Variants in NOX3 observed in about 807,000 individuals in gnomAD.
NOX3 encodes the protein NADPH oxidase 3, also known as NADPH oxidase catalytic subunit-like 3.
NOX3 carries 74 observed loss-of-function variants against 76.7 expected under a neutral mutation model. That is an observed-to-expected ratio of 0.96 (90% CI 0.80 to 1.17). The LOEUF is 1.17. Among genes scored for constraint, NOX3 ranks in the 50% most tolerant of loss-of-function variants. NOX3 has a pLI of 0.00. For missense variants in NOX3, 695 were observed against 703.3 expected, an observed-to-expected ratio of 0.99 and a Z score of 0.13; for synonymous variants, 263 against 261.1, an observed-to-expected ratio of 1.01 and a Z score of -0.07.
At chr6:155,421,059 T>C (rs1186410638) in intron 10 of NOX3, among the ~76,000 whole-genome samples, 6 of 152,208 alleles carry the variant, frequency 3.9e-5, no homozygotes, top group Non-Finnish European at 7.3e-5. Context: ...GCATGTTCTT[T>C]GATGACAGCA....
chr6:155,428,586 CTT>C (rs35328292), intron 9 of NOX3, among the ~76,000 whole-genome samples: 153 of 138,334 alleles, frequency 1.1e-3, no homozygotes, highest in Non-Finnish European at 1.2e-3. Context: ...GTCTTTTTTT[CTT>C]TTTTTTTTTT....
In NOX3 at chr6:155,430,526, T is replaced by A. The variant is rs930569061; in HGVS notation, c.891+317A>T. 7.9e-5 allele frequency among the ~76,000 whole-genome samples: 12 copies of A among 152,100 alleles called. No individual in the cohort carries two copies. In the East Asian group the frequency reaches 2.3e-3, roughly 29 times the overall value. The stretch of plus-strand genomic sequence containing the variant: ...GAAGTGATTATCCTTCAAGTCACTA[T>A]GACCCATGTAAAGTACACTCACTCC... On this transcript the variant is annotated intron_variant, in intron 8 of 13. Transcript: ENST00000159060.
chr6:155,398,030 T>G (rs979835228), intron 12 of NOX3, among the ~76,000 whole-genome samples: 2 of 152,184 alleles, frequency 1.3e-5, no homozygotes, highest in African/African-American at 4.8e-5. Flanking sequence ...TTTCTGGAAG[T>G]TGGGGTGCAT....
intron 10 of NOX3, among the ~76,000 whole-genome samples, chr6:155,412,149 A>G (rs371749152): frequency 6.6e-6 from 1 of 152,066 alleles, no homozygotes; most frequent in East Asian, 1.9e-4. Context: ...CTTGCTGCCC[A>G]CACCTCTCTC....
chr6:155,434,890 T>C (rs763310178), intron 7 of NOX3, among the ~76,000 whole-genome samples: 9 of 152,282 alleles, frequency 5.9e-5, no homozygotes, highest in African/African-American at 9.6e-5. Context: ...GGAGAAATGA[T>C]ACATATTCTA....
At chr6:155,396,662 G>A (rs1779141670) in intron 13 of NOX3, 147 bp downstream of exon 13, 1 of 501,804 alleles carries the variant, frequency 2.0e-6, no homozygotes. Flanking sequence ...TGACGTTATT[G>A]TTTGTGGCAA....
intron 4 of NOX3, among the ~76,000 whole-genome samples, chr6:155,449,517 G>A (rs1777107760): frequency 6.6e-6 from 1 of 152,128 alleles, no homozygotes; most frequent in Non-Finnish European, 1.5e-5. Context: ...GTTGAAGAAT[G>A]CTCCGGCAGC....
intron 4 of NOX3, among the ~76,000 whole-genome samples, chr6:155,452,210 T>C (rs887756332): frequency 3.3e-5 from 5 of 152,198 alleles, no homozygotes; most frequent in African/African-American, 1.2e-4. Context: ...AGCTTCATTC[T>C]AATTTTAGAT....
chr6:155,401,930 T>G (rs1056374767), intron 12 of NOX3, among the ~76,000 whole-genome samples: 1 of 152,108 alleles, frequency 6.6e-6, no homozygotes, highest in Non-Finnish European at 1.5e-5. Flanking sequence ...AAGGGTAAGA[T>G]CAAAGATTTA....
chr6:155,425,726 TTACA>T (rs1776747107), intron 9 of NOX3, among the ~76,000 whole-genome samples: 1 of 152,208 alleles, frequency 6.6e-6, no homozygotes, highest in Non-Finnish European at 1.5e-5. Context: ...AGGCAGTGTG[TTACA>T]TACATTCTCC....
At chr6:155,425,173 CTGAG>C (rs1281798901) in intron 9 of NOX3, among the ~76,000 whole-genome samples, 2 of 152,202 alleles carry the variant, frequency 1.3e-5, no homozygotes, top group Non-Finnish European at 2.9e-5. Context: ...TTTTGCCTTT[CTGAG>C]AAGCACATTC....
intron 4 of NOX3, among the ~76,000 whole-genome samples, chr6:155,449,256 T>TGG (rs1777104764): frequency 6.6e-6 from 1 of 152,180 alleles, no homozygotes; most frequent in Non-Finnish European, 1.5e-5. Context: ...TGCACTCGGC[T>TGG]AATTGTTCAC....
intron 10 of NOX3, among the ~76,000 whole-genome samples, chr6:155,422,360 C>T (rs902361645): frequency 5.9e-5 from 9 of 152,276 alleles, no homozygotes; most frequent in Non-Finnish European, 1.0e-4. Flanking sequence ...GCTAAAGAGA[C>T]TAAGGAGAGG....
intron 4 of NOX3, among the ~76,000 whole-genome samples, chr6:155,444,432 T>C (rs1562471568): frequency 6.6e-6 from 1 of 152,324 alleles, no homozygotes; most frequent in East Asian, 1.9e-4. Flanking sequence ...CTTATTTTAC[T>C]TAAAAATGGC....
Position 155,413,735 on chromosome 6 carries a change from C to T in NOX3, c.1309-2375G>A, listed in dbSNP as rs143921582. 7.5e-3 allele frequency among the ~76,000 whole-genome samples: 1,139 copies of T among 152,282 alleles called. 20 individuals are homozygous for T. The highest frequency in any genetic ancestry group is 0.026 in the African/African-American group (1,063 of 41,548). On this transcript the variant is annotated intron_variant, in intron 10 of 13. Transcript: ENST00000159060. ...TCACCTATGCATGACCCCCTCCTCCCTGGCCTTGGTAGCCTGTTTCATCTC... is the reference window on the plus strand; with the variant it reads ...TCACCTATGCATGACCCCCTCCTCCTTGGCCTTGGTAGCCTGTTTCATCTC...
At chr6:155,429,199 A>G in intron 8 of NOX3, 152 bp from the exon 9 acceptor site, 1 of 702,866 alleles carries the variant, frequency 1.4e-6, no homozygotes, top group Non-Finnish European at 2.2e-6. Context: ...GATATGTGCC[A>G]TCGCTTTCAC....
Position 155,440,057 on chromosome 6 carries a change from G to A in NOX3, c.567C>T (p.Thr189=), listed in dbSNP as rs751894577. The change falls in exon 6 of 14, where the codon ACC becomes ACT. Residue 189 remains threonine (T), a synonymous_variant. Coordinates refer to ENST00000159060, the MANE Select transcript of NOX3 (RefSeq NM_015718.3). ...VISLALVLIM[T]SSTEFIRQAS... Reference sequence around the variant, plus strand: ...CCTGTCTGATGAACTCAGTTGACGAGGTCATGATCAAGACTAAAGCCAGAG... The same window carrying A: ...CCTGTCTGATGAACTCAGTTGACGAAGTCATGATCAAGACTAAAGCCAGAG... 1.1e-5 allele frequency: 17 copies of A among 1,613,828 alleles called. No homozygotes were observed. Among genetic ancestry groups the A allele is most frequent in the Non-Finnish European group, 1.4e-5 (16 of 1,179,960 alleles).
At chr6:155,410,737 T>G (rs747812180) in intron 11 of NOX3, among the ~76,000 whole-genome samples, 28 of 152,212 alleles carry the variant, frequency 1.8e-4, no homozygotes, top group Admixed American at 4.6e-4. Context: ...TCTGGACAAA[T>G]CATGTATTCA....
chr6:155,454,440 T>C (rs1456496504), intron 3 of NOX3, among the ~76,000 whole-genome samples: 2 of 152,240 alleles, frequency 1.3e-5, no homozygotes, highest in Non-Finnish European at 2.9e-5. Flanking sequence ...GATTATGCTT[T>C]TGTGGGTGAG....
Sources: allele counts gnomAD v4.1 joint callset (sites outside exome capture counted in the v4.1 genomes callset), GRCh38; gene constraint gnomAD v4.1.1; transcripts MANE v1.5; gene names NCBI Gene and HGNC (gene_info 2026-07-23, HGNC 2026-07-21).